Variants in CDC42BPA observed in about 807,000 individuals in gnomAD.
The protein encoded by CDC42BPA is CDC42 binding protein kinase alpha.
A neutral mutation model predicts 223.5 loss-of-function variants in CDC42BPA; 80 were observed. The ratio of observed to expected loss-of-function variants is 0.36; its 90% CI spans 0.30 to 0.43. The LOEUF is 0.43. Among genes scored for constraint, CDC42BPA ranks in the 20% least tolerant of loss-of-function variants. The pLI is 1.00. For missense variants in CDC42BPA, 1,743 were observed against 2,099.9 expected (o/e 0.83, Z 3.32); for synonymous variants, 694 against 718.6 (o/e 0.97, Z 0.55).
At chr1:227,079,607 T>C (rs1680210433) in intron 17 of CDC42BPA, among the ~76,000 whole-genome samples, 1 of 152,272 alleles carries the variant, frequency 6.6e-6, no homozygotes, top group East Asian at 1.9e-4. Context: ...ATGATATAGA[T>C]ATAAATTAAT....
chr1:227,085,656 A>C (rs572991855), intron 16 of CDC42BPA, among the ~76,000 whole-genome samples: 21 of 152,336 alleles, frequency 1.4e-4, no homozygotes, highest in African/African-American at 4.6e-4. Flanking sequence ...GTAATACCCC[A>C]TTTAATCCTA....
chr1:227,110,807 A>G (rs1337561955), intron 14 of CDC42BPA, among the ~76,000 whole-genome samples: 1 of 152,084 alleles, frequency 6.6e-6, no homozygotes, highest in Admixed American at 6.6e-5. Context: ...ATGAACTAAA[A>G]CTCCCAAAAC....
At chr1:227,001,567 A>G (rs1173738234) in intron 35 of CDC42BPA, among the ~76,000 whole-genome samples, 1 of 152,228 alleles carries the variant, frequency 6.6e-6, no homozygotes, top group Non-Finnish European at 1.5e-5. Flanking sequence ...CTGAAAACCA[A>G]AAGTTTTTTC....
intron 6 of CDC42BPA, among the ~76,000 whole-genome samples, chr1:227,149,781 G>A (rs1177669287): frequency 1.3e-5 from 2 of 152,068 alleles, no homozygotes; most frequent in Non-Finnish European, 2.9e-5. Context: ...AGGCTAAGAC[G>A]TACAGACCCT....
intron 5 of CDC42BPA, among the ~76,000 whole-genome samples, chr1:227,168,805 T>C (rs753445186): frequency 1.3e-5 from 2 of 152,056 alleles, no homozygotes; most frequent in Non-Finnish European, 2.9e-5. Context: ...CCCCCTGGTG[T>C]TTCTTGAGCA....
rs145624172 is a variant in CDC42BPA, at chr1:227,284,210, T to C, written c.179-30055A>G. ...GAGTATTAAATAGGATATTTTGATA[T>C]TTTATAACTAAAAATATAAGAATTT... is the stretch of plus-strand genomic sequence containing the variant. On this transcript the variant is annotated intron_variant, in intron 1 of 36. Coordinates refer to ENST00000366766, the MANE Select transcript of CDC42BPA (RefSeq NM_001394014.1). 5.3e-4 allele frequency among the ~76,000 whole-genome samples: 80 copies of C among 152,342 alleles called. No individual in the cohort carries two copies. The East Asian group carries it at 0.015, about 28-fold the overall frequency.
chr1:227,135,815 C>CTGCACTCCA, intron 10 of CDC42BPA, among the ~76,000 whole-genome samples: 1 of 128,562 alleles, frequency 7.8e-6, no homozygotes, highest in Non-Finnish European at 1.6e-5. Context: ...GATCACACCA[C>CTGCACTCCA]TGCACTCCAG....
intron 35 of CDC42BPA, among the ~76,000 whole-genome samples, chr1:227,000,447 C>T (rs1160100318): frequency 2.0e-5 from 3 of 152,180 alleles, no homozygotes; most frequent in Non-Finnish European, 4.4e-5. Context: ...TTATTCTGCA[C>T]AGAAAGTCAA....
At chr1:227,240,349 C>A (rs2148100553) in intron 2 of CDC42BPA, among the ~76,000 whole-genome samples, 1 of 152,122 alleles carries the variant, frequency 6.6e-6, no homozygotes, top group Admixed American at 6.5e-5. Context: ...TTGGTCCTCC[C>A]AAAATTTATC....
Position 227,056,849 on chromosome 1 carries a change from T to C in CDC42BPA, c.2905-4864A>G, listed in dbSNP as rs372575365. Among the ~76,000 whole-genome samples, 9 of 152,342 alleles carry C rather than the reference T, an allele frequency of 5.9e-5. No individual in the cohort carries two copies. The South Asian group carries it at 1.2e-3, about 21-fold the overall frequency. ...AATTGAACTTATGATACAAAAACAGTATTACAGAAGTACTATATCATTTGG... is the reference window on the plus strand; with the variant it reads ...AATTGAACTTATGATACAAAAACAGCATTACAGAAGTACTATATCATTTGG... On this transcript the variant is annotated intron_variant, in intron 21 of 36. Coordinates refer to ENST00000366766, the MANE Select transcript of CDC42BPA (RefSeq NM_001394014.1).
At chr1:227,051,274 T>A (rs531506766) in intron 22 of CDC42BPA, among the ~76,000 whole-genome samples, 3 of 152,222 alleles carry the variant, frequency 2.0e-5, no homozygotes, top group South Asian at 4.1e-4. Context: ...TAGGATGGTA[T>A]GGACTGAGGT....
chr1:227,043,966 C>G (rs1671904252), intron 23 of CDC42BPA, among the ~76,000 whole-genome samples: 1 of 152,184 alleles, frequency 6.6e-6, no homozygotes, highest in African/African-American at 2.4e-5. Context: ...CCCGTTTATA[C>G]TTCCAGTATC....
chr1:227,310,709 C>CA (rs1470413769), intron 1 of CDC42BPA, among the ~76,000 whole-genome samples: 3 of 146,190 alleles, frequency 2.1e-5, no homozygotes, highest in African/African-American at 7.6e-5. Context: ...TTTTTTGAGA[C>CA]AGAGTCTTGC....
At chr1:227,072,775 C>A (rs1478901578) in intron 19 of CDC42BPA, among the ~76,000 whole-genome samples, 1 of 152,024 alleles carries the variant, frequency 6.6e-6, no homozygotes, top group Non-Finnish European at 1.5e-5. Flanking sequence ...ACTGGCTCAT[C>A]TTCCTGACTT....
At chr1:227,092,823 G>A (rs969794415) in intron 15 of CDC42BPA, among the ~76,000 whole-genome samples, 2 of 152,066 alleles carry the variant, frequency 1.3e-5, no homozygotes, top group African/African-American at 2.4e-5. Context: ...CTATTATTGT[G>A]TATATACCGA....
At chr1:227,170,157 G>T (rs948867946) in intron 5 of CDC42BPA, among the ~76,000 whole-genome samples, 1 of 152,040 alleles carries the variant, frequency 6.6e-6, no homozygotes, top group African/African-American at 2.4e-5. Context: ...TGACGTCCAA[G>T]GCTAGGTCAT....
Position 227,035,595 on chromosome 1 carries a change from G to A in CDC42BPA, c.3212C>T (p.Ser1071Leu). The change falls in exon 25 of 37, where the codon TCA becomes TTA. Residue 1071 changes from serine (S) to leucine (L), a missense_variant. This residue lies in a region of CDC42BPA where 678 missense variants were observed against 777.5 expected (regional missense o/e 0.87). Transcript: ENST00000366766. Reference protein sequence around the residue: ...QGCSCEVCGFSCHITCVNKAP... With the variant: ...QGCSCEVCGFLCHITCVNKAP... The stretch of plus-strand genomic sequence containing the variant: ...TTTGTTTACACAAGTTATATGGCAT[G>A]AGAATCCACACACTTTTAGAGGGAA... 6.3e-7 allele frequency: 1 copy of A among 1,588,484 alleles called. No homozygotes were observed. The highest frequency in any genetic ancestry group is 1.2e-5 in the South Asian group (1 of 85,214).
rs547367749 is a variant in CDC42BPA, at chr1:227,004,544, G to A, written c.4975+450C>T. 6.1e-5 allele frequency: 11 copies of A among 179,668 alleles called. No homozygotes were observed. The South Asian group carries it at 1.2e-3, about 20-fold the overall frequency. 11.1% of individuals were successfully genotyped at this position (179,668 alleles called of 1,614,324 possible). A position where few individuals can be genotyped will look rare whatever the true frequency, so the allele number is the denominator to read the frequency against. On this transcript the variant is annotated intron_variant, in intron 35 of 36. Transcript: ENST00000366766. ...TGGTCTGACCCTTACCTGCTACCCCGCTCTAATTTTTGTTACTTCCTCACC... is the reference window on the plus strand; with the variant it reads ...TGGTCTGACCCTTACCTGCTACCCCACTCTAATTTTTGTTACTTCCTCACC...
At chr1:227,287,821 T>A (rs772879595) in intron 1 of CDC42BPA, among the ~76,000 whole-genome samples, 28 of 152,212 alleles carry the variant, frequency 1.8e-4, no homozygotes, top group Non-Finnish European at 3.4e-4. Flanking sequence ...ACGTTTATCA[T>A]TTATTTGTGT....
Sources: allele counts gnomAD v4.1 joint callset (sites outside exome capture counted in the v4.1 genomes callset), GRCh38; gene constraint gnomAD v4.1.1; regional missense constraint gnomAD v4.1.1; transcripts MANE v1.5; gene names NCBI Gene and HGNC (gene_info 2026-07-23, HGNC 2026-07-21).